ELP6: variants seen among roughly 807,000 people sequenced by gnomAD.
ELP6 encodes elongator complex protein 6.
ELP6 carries 23 observed loss-of-function variants against 28.1 expected under a neutral mutation model. The observed-to-expected ratio is 0.82, with a 90% CI of 0.59 to 1.16. The LOEUF (loss-of-function observed/expected upper bound fraction) is 1.16, where lower values mean the gene tolerates loss of function less well. Among genes scored for constraint, ELP6 ranks in the 50% most tolerant of loss-of-function variants. The pLI is 0.00. For synonymous variants in ELP6, 132 were observed against 135.8 expected (o/e 0.97, Z 0.19); for missense variants, 313 against 334.6 (o/e 0.94, Z 0.50).
At chr3:47,496,872 TC>T (rs1708494702) in intron 6 of ELP6, 1 of 985,306 alleles carries the variant, frequency 1.0e-6, no homozygotes, top group Non-Finnish European at 1.2e-6. Context: ...ATTTGTACAT[TC>T]ACTACAGAGG....
At chr3:47,507,320 C>T (rs1708867682) in intron 3 of ELP6, among the ~76,000 whole-genome samples, 1 of 149,446 alleles carries the variant, frequency 6.7e-6, no homozygotes, top group Non-Finnish European at 1.5e-5. Flanking sequence ...GAGATCACAC[C>T]ATTGCACTCC....
intron 1 of ELP6, 21 bp from the exon 2 acceptor site, chr3:47,511,247 A>C: frequency 6.2e-7 from 1 of 1,613,018 alleles, no homozygotes; most frequent in Non-Finnish European, 8.5e-7. Context: ...CAAGGAACAC[A>C]AAAAGGTTAG....
intron 5 of ELP6, 26 bp from the exon 6 acceptor site, chr3:47,498,458 T>C: frequency 6.2e-7 from 1 of 1,607,166 alleles, no homozygotes; most frequent in Non-Finnish European, 8.5e-7. Context: ...GATGGAAGCC[T>C]GCTCCTTACT....
intron 3 of ELP6, among the ~76,000 whole-genome samples, chr3:47,507,373 A>C (rs1413347782): frequency 3.3e-5 from 5 of 151,820 alleles, no homozygotes; most frequent in South Asian, 2.1e-4. Flanking sequence ...AAAAAAAAAA[A>C]AAAAAACAAA....
At chr3:47,513,475 C>A in intron 1 of ELP6, 62 bp downstream of exon 1, 1 of 1,583,364 alleles carries the variant, frequency 6.3e-7, no homozygotes, top group African/African-American at 1.4e-5. Context: ...CACCGCCTCC[C>A]GGATGCAGTA....
chr3:47,502,599 C>T (rs1708700027), intron 4 of ELP6: 1 of 960,962 alleles, frequency 1.0e-6, no homozygotes, highest in Non-Finnish European at 1.2e-6. Flanking sequence ...CTTTGGGGGG[C>T]CAGCGGGGGA....
chr3:47,499,354 T>C (rs1361272404), intron 5 of ELP6, among the ~76,000 whole-genome samples: 2 of 151,998 alleles, frequency 1.3e-5, no homozygotes, highest in Middle Eastern at 3.4e-3. Context: ...CCGTCTCTAC[T>C]AAAAAAACAC....
At chr3:47,506,137 GT>G (rs1235761119) in intron 3 of ELP6, among the ~76,000 whole-genome samples, 1 of 152,190 alleles carries the variant, frequency 6.6e-6, no homozygotes, top group Non-Finnish European at 1.5e-5. Context: ...AAACCAGCAA[GT>G]TTTTATTAGG....
intron 5 of ELP6, chr3:47,499,952 G>C: frequency 1.5e-6 from 2 of 1,352,396 alleles, no homozygotes; most frequent in South Asian, 2.3e-5. Flanking sequence ...CCGAGTCCTG[G>C]TGGTGTCGGC....
At position 47,495,963 on chromosome 3, in the gene ELP6, C is replaced by T. The variant is rs1708467969; in HGVS notation, c.*106G>A. The T allele has an allele frequency of 1.3e-6, 2 of 1,585,348 alleles. No homozygotes were observed. The highest frequency in any genetic ancestry group is 3.6e-5 in the Admixed American group (2 of 54,944). On this transcript the variant is annotated 3_prime_UTR_variant, in exon 7 of 7. Coordinates refer to ENST00000296149, the MANE Select transcript of ELP6 (RefSeq NM_001031703.3). ...TCTGGTCACAGTGGAGTCGCCGGTC[C>T]AGCCTGAAATATTACTACAGAGGAG... is the stretch of plus-strand genomic sequence containing the variant.
chr3:47,499,809 T>G lies in ELP6; in HGVS notation c.526-1377A>C, dbSNP rs1372642325. ...GTCTGAGTTGGGGTTCTGTCCCTGC[T>G]GGGCTGTGGCCCCAGCTGGACTGCT... On this transcript the variant is annotated intron_variant, in intron 5 of 6. Coordinates refer to ENST00000296149, the MANE Select transcript of ELP6 (RefSeq NM_001031703.3). The G allele has an allele frequency of 8.0e-6, 9 of 1,119,650 alleles. No individual in the cohort carries two copies. In the East Asian group the frequency reaches 6.9e-4, roughly 85 times the overall value. The allele number at this position is 1,119,650 out of a possible 1,614,324, so 69.4% of individuals were successfully genotyped here.
chr3:47,503,434 AT>A (rs1559590040), intron 4 of ELP6: 1 of 1,289,520 alleles, frequency 7.8e-7, no homozygotes, highest in East Asian at 5.6e-5. Context: ...CAGGGGAAAA[AT>A]TTTTTCTTAA....
chr3:47,513,659 G>A lies in ELP6; in HGVS notation c.-69C>T, dbSNP rs2030004807. The A allele has an allele frequency of 6.3e-7, 1 of 1,590,146 alleles. No homozygotes were observed. Among genetic ancestry groups the A allele is most frequent in the Non-Finnish European group, 8.6e-7 (1 of 1,162,546 alleles). On this transcript the variant is annotated 5_prime_UTR_variant, in exon 1 of 7. Transcript: ENST00000296149. ...CTGCAGAGACGACGGAGGCTGGAGA[G>A]CAAAACACACCCGACAGCCCGGCTC... is the stretch of plus-strand genomic sequence containing the variant.
intron 6 of ELP6, chr3:47,496,609 C>T (rs1708488112): frequency 3.0e-6 from 2 of 671,446 alleles, no homozygotes; most frequent in Non-Finnish European, 3.7e-6. Context: ...AATTCTCCTG[C>T]TTCAGCCTCC....
At chr3:47,504,308 G>T in intron 4 of ELP6, 22 bp downstream of exon 4, 1 of 1,578,556 alleles carries the variant, frequency 6.3e-7, no homozygotes, top group Non-Finnish European at 8.6e-7. Flanking sequence ...TTGCTTCCGG[G>T]CTGGGCTGTA....
At chr3:47,496,277 T>C (rs1708477200) in intron 6 of ELP6, 80 bp from the exon 7 acceptor site, 1 of 1,534,006 alleles carries the variant, frequency 6.5e-7, no homozygotes, top group Admixed American at 2.3e-5. Context: ...ACCTTCTCTG[T>C]GCCCTTCAGC....
At chr3:47,497,075 C>A in intron 6 of ELP6, 4 of 979,160 alleles carry the variant, frequency 4.1e-6, no homozygotes, top group Non-Finnish European at 4.9e-6. Flanking sequence ...GACTCTGGGC[C>A]AAGACTCCTA....
chr3:47,497,180 G>C, intron 6 of ELP6: 2 of 985,316 alleles, frequency 2.0e-6, no homozygotes, highest in Non-Finnish European at 2.4e-6. Context: ...GTTTGAGAAG[G>C]CACAGAGCCA....
rs1327777560 is a variant in ELP6 at position 47,513,690 on chromosome 3, AG to A, written c.-101del. The stretch of plus-strand genomic sequence containing the variant: ...CACACCCGACAGCCCGGCTCGCGCA[AG>A]GAAGCGCGCATGCGCAATGCCACTT... On this transcript the variant is annotated 5_prime_UTR_variant, in exon 1 of 7. The change creates a premature stop within an existing upstream ORF in the 5' untranslated region. Transcript: ENST00000296149. The A allele has an allele frequency of 4.7e-6, 7 of 1,498,000 alleles. No homozygotes were observed. The highest frequency in any genetic ancestry group is 1.4e-5 in the African/African-American group (1 of 71,512). The allele number at this position is 1,498,000 out of a possible 1,614,324, so 92.8% of individuals were successfully genotyped here.
Sources: allele counts gnomAD v4.1 joint callset (sites outside exome capture counted in the v4.1 genomes callset), GRCh38; gene constraint gnomAD v4.1.1; transcripts MANE v1.5; gene names NCBI Gene and HGNC (gene_info 2026-07-23, HGNC 2026-07-21).